Variants in MTUS2 observed in about 807,000 individuals in gnomAD.
MTUS2 encodes microtubule-associated tumor suppressor candidate 2.
In MTUS2, 40 loss-of-function variants were observed where a neutral mutation model predicts 114.1. The ratio of observed to expected loss-of-function variants is 0.35; its 90% CI spans 0.27 to 0.46. The LOEUF (loss-of-function observed/expected upper bound fraction) is 0.46, where lower values mean the gene tolerates loss of function less well. Among genes scored for constraint, MTUS2 ranks in the 20% least tolerant of loss-of-function variants. The pLI is 1.00. For synonymous variants in MTUS2, 688 were observed against 672.0 expected, an observed-to-expected ratio of 1.02 and a Z score of -0.37; for missense variants, 1,679 against 1,705.4, an observed-to-expected ratio of 0.98 and a Z score of 0.27.
At chr13:29,009,183 T>G (rs902140310) in intron 2 of MTUS2, among the ~76,000 whole-genome samples, 1 of 151,984 alleles carries the variant, frequency 6.6e-6, no homozygotes, top group African/African-American at 2.4e-5. Flanking sequence ...CACTCTTATC[T>G]CTCTGAAAAA....
chr13:29,118,632 G>A (rs1891185309), intron 5 of MTUS2, among the ~76,000 whole-genome samples: 1 of 152,212 alleles, frequency 6.6e-6, no homozygotes, highest in Admixed American at 6.5e-5. Flanking sequence ...TGTAGGTACT[G>A]GCTGAGGTTC....
At chr13:28,975,800 T>C (rs1008158834) in intron 2 of MTUS2, among the ~76,000 whole-genome samples, 9 of 152,214 alleles carry the variant, frequency 5.9e-5, no homozygotes, top group African/African-American at 1.9e-4. Context: ...ACTCAGCTTA[T>C]TTTTTGCTTT....
intron 5 of MTUS2, among the ~76,000 whole-genome samples, chr13:29,191,385 G>T (rs1894443300): frequency 6.6e-6 from 1 of 152,094 alleles, no homozygotes; most frequent in Non-Finnish European, 1.5e-5. Context: ...ACAATGATGA[G>T]AAGCAGTTGT....
chr13:28,944,623 A>G (rs1157249377), intron 2 of MTUS2, among the ~76,000 whole-genome samples: 2 of 152,180 alleles, frequency 1.3e-5, no homozygotes, highest in Non-Finnish European at 2.9e-5. Context: ...ATGCCACAAC[A>G]TTTATTAAGT....
chr13:29,277,083 A>G (rs1236119844), intron 5 of MTUS2, among the ~76,000 whole-genome samples: 3 of 152,144 alleles, frequency 2.0e-5, no homozygotes, highest in African/African-American at 7.2e-5. Context: ...TGTCTTCTAA[A>G]CAGAGGTATT....
chr13:29,473,811 A>G (rs563610446), intron 9 of MTUS2, among the ~76,000 whole-genome samples: 1 of 152,320 alleles, frequency 6.6e-6, no homozygotes, highest in South Asian at 2.1e-4. Flanking sequence ...GTAGGGGTTT[A>G]TGATAGTGGT....
rs373448766 is a variant in MTUS2 at position 29,033,958 on chromosome 13, A to C, written c.2279A>C (p.Tyr760Ser). The change falls in exon 4 of 16, where the codon TAT (tyrosine) becomes TCT (serine). Residue 760 changes from tyrosine to serine, a missense_variant. Tyr to Ser is a moderately radical substitution (Grantham distance 144, BLOSUM62 -2). Coordinates refer to ENST00000612955, the MANE Select transcript of MTUS2 (RefSeq NM_001033602.4). ...YAHYEVPPTF[Y>S]RSAMLLKPQL... ...CATTATGAAGTCCCTCCAACTTTCTATCGGTCAGCCATGCTCCTTAAGCCC... is the reference window on the plus strand; with the variant it reads ...CATTATGAAGTCCCTCCAACTTTCTCTCGGTCAGCCATGCTCCTTAAGCCC... 6.2e-7 allele frequency: 1 copy of C among 1,613,850 alleles called. No homozygotes were observed. The highest frequency in any genetic ancestry group is 1.3e-5 in the African/African-American group (1 of 74,918).
intron 5 of MTUS2, among the ~76,000 whole-genome samples, chr13:29,141,408 C>T (rs1404529402): frequency 1.3e-5 from 2 of 152,174 alleles, no homozygotes; most frequent in South Asian, 2.1e-4. Flanking sequence ...GAGTAGAGGA[C>T]GTTTTCGGGC....
At chr13:29,299,592 C>T (rs1190293781) in intron 6 of MTUS2, among the ~76,000 whole-genome samples, 2 of 152,092 alleles carry the variant, frequency 1.3e-5, no homozygotes, top group Non-Finnish European at 2.9e-5. Context: ...GGTGCAGAGA[C>T]ATAACATAGT....
intron 2 of MTUS2, among the ~76,000 whole-genome samples, chr13:28,995,077 A>T (rs981317909): frequency 2.7e-4 from 41 of 152,136 alleles, no homozygotes; most frequent in African/African-American, 9.7e-4. Context: ...TAATTTTTGT[A>T]TAAGGTGTAA....
intron 2 of MTUS2, among the ~76,000 whole-genome samples, chr13:28,894,745 G>C (rs933454261): frequency 2.0e-5 from 3 of 152,222 alleles, no homozygotes; most frequent in Admixed American, 1.3e-4. Flanking sequence ...GGGTGGGTTT[G>C]TGTGACAAAT....
intron 8 of MTUS2, among the ~76,000 whole-genome samples, chr13:29,422,437 G>A (rs369743987): frequency 2.4e-4 from 36 of 152,166 alleles, no homozygotes; most frequent in African/African-American, 7.7e-4. Flanking sequence ...GGTAGGTAAT[G>A]CTTATCATTA....
intron 2 of MTUS2, among the ~76,000 whole-genome samples, chr13:28,965,742 G>A (rs564834462): frequency 9.2e-5 from 14 of 152,136 alleles, no homozygotes; most frequent in Non-Finnish European, 1.8e-4. Flanking sequence ...GGCTGATATT[G>A]CAGCTCAAGT....
chr13:29,387,049 T>G (rs773698395), intron 8 of MTUS2, among the ~76,000 whole-genome samples: 2 of 152,232 alleles, frequency 1.3e-5, no homozygotes, highest in African/African-American at 4.8e-5. Context: ...TACTATGTGC[T>G]AGGCAGGATG....
Position 28,955,499 on chromosome 13 carries a change from AAAG to A in MTUS2, c.-242-68957_-242-68955del, listed in dbSNP as rs58347883. ...TAAATAGCTTAATGATGCCGCCATAAAAGGTCTCTGATGTAAGTGAGGGGCTCA... is the reference window on the plus strand; with the variant it reads ...TAAATAGCTTAATGATGCCGCCATAAGTCTCTGATGTAAGTGAGGGGCTCA... On this transcript the variant is annotated intron_variant, in intron 2 of 15. Transcript: ENST00000612955. 9.4e-3 allele frequency among the ~76,000 whole-genome samples: 1,432 copies of A among 152,298 alleles called. 30 individuals carry two copies. The highest frequency in any genetic ancestry group is 0.033 in the African/African-American group (1,351 of 41,560).
intron 9 of MTUS2, among the ~76,000 whole-genome samples, chr13:29,462,693 C>T (rs1256824963): frequency 6.6e-6 from 1 of 152,002 alleles, no homozygotes; most frequent in Non-Finnish European, 1.5e-5. Context: ...TGGAGGGTAA[C>T]CACATAGCTA....
chr13:29,181,654 C>T (rs953063168), intron 5 of MTUS2, among the ~76,000 whole-genome samples: 15 of 151,484 alleles, frequency 9.9e-5, no homozygotes, highest in Admixed American at 3.3e-4. Context: ...TACTCGGTTA[C>T]CAGGGTTGTT....
At chr13:29,059,350 C>T (rs1170399345) in intron 4 of MTUS2, among the ~76,000 whole-genome samples, 1 of 151,488 alleles carries the variant, frequency 6.6e-6, no homozygotes, top group East Asian at 2.0e-4. Flanking sequence ...TTGCAGGAGC[C>T]CCTTCCAATT....
In MTUS2 at chr13:29,158,419, G is replaced by A. The variant is rs376911549; in HGVS notation, c.2644+57449G>A. On this transcript the variant is annotated intron_variant, in intron 5 of 15. Transcript: ENST00000612955. ...GAAATGTCCAAGTGTCAAAGCCAGGGCTCAGCCCAGGCCAATCAGGGACAC... is the reference window on the plus strand; with the variant it reads ...GAAATGTCCAAGTGTCAAAGCCAGGACTCAGCCCAGGCCAATCAGGGACAC... 2.1e-4 allele frequency among the ~76,000 whole-genome samples: 28 copies of A among 135,952 alleles called. No homozygotes were observed. The East Asian group carries it at 4.2e-3, about 20-fold the overall frequency. The allele number at this position is 135,952 out of a possible 152,430, so 89.2% of individuals were successfully genotyped here. A position where few individuals can be genotyped will look rare whatever the true frequency, so the allele number is the denominator to read the frequency against.
Sources: allele counts gnomAD v4.1 joint callset (sites outside exome capture counted in the v4.1 genomes callset), GRCh38; gene constraint gnomAD v4.1.1; transcripts MANE v1.5; gene names NCBI Gene and HGNC (gene_info 2026-07-23, HGNC 2026-07-21).